Variants in CADM2 observed in about 807,000 individuals in gnomAD.
The protein encoded by CADM2 is immunoglobulin superfamily member 4D.
Under a neutral mutation model 49.8 loss-of-function variants are expected in CADM2, and 12 were observed. The observed-to-expected ratio is 0.24, with a 90% CI of 0.15 to 0.39. The LOEUF (loss-of-function observed/expected upper bound fraction) is 0.39, where lower values mean the gene tolerates loss of function less well. Ranked by LOEUF, CADM2 falls within the 10% of genes least tolerant of loss-of-function variation. CADM2 has a pLI of 1.00. For missense variants in CADM2, 378 were observed against 492.3 expected (o/e 0.77, Z 2.20); for synonymous variants, 214 against 175.4 (o/e 1.22, Z -1.74).
intron 1 of CADM2, among the ~76,000 whole-genome samples, chr3:85,461,530 G>A (rs2038245165): frequency 6.6e-6 from 1 of 152,146 alleles, no homozygotes; most frequent in South Asian, 2.1e-4. Flanking sequence ...ATGCAGTCAT[G>A]TCATAACTCA....
At chr3:85,770,092 C>T (rs998018069) in intron 2 of CADM2, among the ~76,000 whole-genome samples, 14 of 152,068 alleles carry the variant, frequency 9.2e-5, no homozygotes, top group African/African-American at 2.2e-4. Context: ...GACAACTCTA[C>T]GGGTAACTAA....
intron 1 of CADM2, among the ~76,000 whole-genome samples, chr3:85,091,548 A>G (rs1255326277): frequency 6.6e-6 from 1 of 152,158 alleles, no homozygotes; most frequent in Non-Finnish European, 1.5e-5. Context: ...TTTAAATTCC[A>G]TACACTTTTA....
At chr3:85,891,189 G>A (rs1189170699) in intron 5 of CADM2, among the ~76,000 whole-genome samples, 1 of 152,180 alleles carries the variant, frequency 6.6e-6, no homozygotes, top group Non-Finnish European at 1.5e-5. Flanking sequence ...CTTCTGCATA[G>A]CAAGAAAGTG....
intron 1 of CADM2, among the ~76,000 whole-genome samples, chr3:85,632,011 C>A (rs1473233713): frequency 6.6e-6 from 1 of 151,964 alleles, no homozygotes; most frequent in Non-Finnish European, 1.5e-5. Flanking sequence ...TTTGCTTTTC[C>A]TCTACAATAC....
chr3:85,003,668 G>C (rs1036850607), intron 1 of CADM2, among the ~76,000 whole-genome samples: 2 of 152,038 alleles, frequency 1.3e-5, no homozygotes, highest in African/African-American at 2.4e-5. Context: ...CATTTCTACA[G>C]AGTATTGTGC....
At chr3:85,011,049 A>G (rs1323627867) in intron 1 of CADM2, among the ~76,000 whole-genome samples, 1 of 151,494 alleles carries the variant, frequency 6.6e-6, no homozygotes, top group Non-Finnish European at 1.5e-5. Context: ...TATTTTTAGT[A>G]GAGACGGGGT....
chr3:85,747,298 A>C (rs928630520), intron 2 of CADM2, among the ~76,000 whole-genome samples: 1 of 152,110 alleles, frequency 6.6e-6, no homozygotes, highest in Admixed American at 6.6e-5. Flanking sequence ...AATTTCTTAA[A>C]ATTAGAAATT....
At chr3:86,040,886 G>C (rs142035898) in intron 8 of CADM2, among the ~76,000 whole-genome samples, 1 of 152,178 alleles carries the variant, frequency 6.6e-6, no homozygotes, top group Non-Finnish European at 1.5e-5. Flanking sequence ...TGATCTCTTG[G>C]CAGAAACTCT....
chr3:85,668,295 C>CAAAAAAAAA (rs11447925), intron 1 of CADM2, among the ~76,000 whole-genome samples: 6 of 81,768 alleles, frequency 7.3e-5, no homozygotes, highest in Non-Finnish European at 1.5e-4. Flanking sequence ...AGTACCAAAG[C>CAAAAAAAAA]AAAAAAAAAA....
chr3:85,677,219 GATTA>G (rs141409677), intron 1 of CADM2, among the ~76,000 whole-genome samples: 4,142 of 152,040 alleles, frequency 0.027, 138 homozygotes, highest in African/African-American at 0.068. Context: ...CAGATTTTAG[GATTA>G]ATTGTCATTC....
At chr3:86,004,739 C>G (rs1485509850) in intron 8 of CADM2, among the ~76,000 whole-genome samples, 1 of 152,180 alleles carries the variant, frequency 6.6e-6, no homozygotes, top group East Asian at 1.9e-4. Context: ...TATTTCTTCT[C>G]TCCTACTCTC....
chr3:85,523,187 C>T (rs1202607843), intron 1 of CADM2, among the ~76,000 whole-genome samples: 2 of 152,056 alleles, frequency 1.3e-5, no homozygotes, highest in African/African-American at 4.8e-5. Context: ...TGAAGCAGAG[C>T]ATCTTGGCAA....
At chr3:85,423,109 C>G (rs1025211593) in intron 1 of CADM2, among the ~76,000 whole-genome samples, 1 of 151,998 alleles carries the variant, frequency 6.6e-6, no homozygotes, top group Admixed American at 6.6e-5. Flanking sequence ...AAATGATCTT[C>G]CCCCGGAGTT....
At chr3:85,213,053 T>C (rs1348116930) in intron 1 of CADM2, among the ~76,000 whole-genome samples, 1 of 151,806 alleles carries the variant, frequency 6.6e-6, no homozygotes. Context: ...TTGCTATTTT[T>C]TGAATTTTTA....
intron 8 of CADM2, among the ~76,000 whole-genome samples, chr3:85,997,139 TTA>T (rs1331454995): frequency 6.6e-6 from 1 of 152,232 alleles, no homozygotes; most frequent in African/African-American, 2.4e-5. Flanking sequence ...TTTGTTTAAA[TTA>T]TATTTGAAGG....
intron 1 of CADM2, among the ~76,000 whole-genome samples, chr3:85,311,361 A>AT (rs1234013862): frequency 2.1e-5 from 3 of 145,168 alleles, no homozygotes; most frequent in African/African-American, 8.1e-5. Flanking sequence ...TTATTTATTT[A>AT]TATTTATTAT....
chr3:85,025,228 AT>A (rs1379964712), intron 1 of CADM2, among the ~76,000 whole-genome samples: 1 of 152,108 alleles, frequency 6.6e-6, no homozygotes, highest in African/African-American at 2.4e-5. Context: ...AGTTAAAATT[AT>A]TTTTGGTTTA....
intron 1 of CADM2, among the ~76,000 whole-genome samples, chr3:85,195,850 T>G (rs1576091884): frequency 6.6e-6 from 1 of 152,108 alleles, no homozygotes; most frequent in Admixed American, 6.6e-5. Context: ...TAAAATGCAA[T>G]GGAAAATGAA....
chr3:85,708,415 G>A (rs1335878442), intron 1 of CADM2, among the ~76,000 whole-genome samples: 2 of 151,982 alleles, frequency 1.3e-5, no homozygotes, highest in Non-Finnish European at 2.9e-5. Flanking sequence ...AACTAACTTT[G>A]GGAGTCAGGG....
Sources: allele counts gnomAD v4.1 joint callset (sites outside exome capture counted in the v4.1 genomes callset), GRCh38; gene constraint gnomAD v4.1.1; transcripts MANE v1.5; gene names NCBI Gene and HGNC (gene_info 2026-07-23, HGNC 2026-07-21).